BFSP1: variants seen among roughly 807,000 people sequenced by gnomAD.
BFSP1 encodes beaded filament structural protein 1.
BFSP1 carries 38 observed loss-of-function variants against 43.9 expected under a neutral mutation model. The observed-to-expected ratio is 0.87, with a 90% confidence interval of 0.67 to 1.14. The LOEUF is 1.14. BFSP1 is among the 50% of genes most tolerant of loss of function. The pLI, the probability that BFSP1 is intolerant of heterozygous loss-of-function variation, is 0.00. For missense variants in BFSP1, 850 were observed against 875.1 expected (o/e 0.97, Z 0.36); for synonymous variants, 352 against 354.8 (o/e 0.99, Z 0.09).
chr20:17,540,723 T>C lies in BFSP1; in HGVS notation c.3-15815A>G, dbSNP rs561605538. ...CTGCATCACCTCCGGGTGCCTCTCA[T>C]GTCCTCTAGCTTCCTGTAGGGTTTG... is the stretch of plus-strand genomic sequence containing the variant. On this transcript the variant is annotated intron_variant, in intron 1 of 7. Transcript: ENST00000377868. Among the ~76,000 whole-genome samples, 241 of 152,230 alleles carry C rather than the reference T, an allele frequency of 1.6e-3. 1 individual carries two copies. The highest frequency in any genetic ancestry group is 2.6e-3 in the Admixed American group (40 of 15,290).
At chr20:17,504,225 T>G (rs557441971) in intron 5 of BFSP1, among the ~76,000 whole-genome samples, 3 of 152,302 alleles carry the variant, frequency 2.0e-5, no homozygotes, top group African/African-American at 7.2e-5. Flanking sequence ...TGGTCGCAGA[T>G]GCTCTACGGG....
In BFSP1 at chr20:17,531,312, G is replaced by A. The variant is rs1393679322; in HGVS notation, c.18C>T (p.Tyr6=). ...ACTGCTCCTTGCGGGTCTGGAAGAC[G>A]TAGCTGCGCCGGTACATGGCTGCTC... MYRRS[Y]VFQTRKEQYE... The change falls in exon 1 of 8, where the codon TAC becomes TAT. Residue 6 remains tyrosine (Y), a synonymous_variant. Transcript: ENST00000377873. The A allele has an allele frequency of 9.5e-6, 14 of 1,466,984 alleles. No individual in the cohort carries two copies. In the South Asian group the frequency reaches 1.2e-4, roughly 12 times the overall value. 90.9% of individuals were successfully genotyped at this position (1,466,984 alleles called of 1,614,324 possible).
upstream of BFSP1, among the ~76,000 whole-genome samples, chr20:17,535,288 T>G (rs1463908873): frequency 6.6e-6 from 1 of 152,100 alleles, no homozygotes; most frequent in Non-Finnish European, 1.5e-5. Flanking sequence ...CCCAGCACTT[T>G]GGGAGACCAA....
rs1314964080 is a variant in BFSP1, at chr20:17,525,111, G to A, written c.378-203C>T. 6.6e-6 allele frequency among the ~76,000 whole-genome samples: 1 copy of A among 152,068 alleles called. No homozygotes were observed. Among genetic ancestry groups the A allele is most frequent in the East Asian group, 1.9e-4 (1 of 5,172 alleles). ...GAAAGTGGTACCATTTGCACACCGC[G>A]TGGGGTAACCAGGGGCAGTTAGCGG... On this transcript the variant is annotated intron_variant, in intron 1 of 7. Coordinates refer to ENST00000377873, the MANE Select transcript of BFSP1 (RefSeq NM_001195.5). This position sits in a 1 kb window ranked among gnomAD's most constrained non-coding sequence, Gnocchi z 4.2.
At chr20:17,502,454 A>G (rs1237078918) in intron 5 of BFSP1, among the ~76,000 whole-genome samples, 2 of 152,232 alleles carry the variant, frequency 1.3e-5, no homozygotes, top group Non-Finnish European at 2.9e-5. Flanking sequence ...ACTGGGGACC[A>G]TCCCAGTATG....
intron 4 of BFSP1, among the ~76,000 whole-genome samples, chr20:17,511,147 C>T (rs2034068594): frequency 6.6e-6 from 1 of 152,082 alleles, no homozygotes; most frequent in South Asian, 2.1e-4. Context: ...CTATGCATCA[C>T]AAAATTCCAT....
chr20:17,561,756 C>T (rs2035068966), upstream of BFSP1, among the ~76,000 whole-genome samples: 2 of 152,104 alleles, frequency 1.3e-5, no homozygotes, highest in African/African-American at 4.8e-5. Context: ...GTTCATTTAT[C>T]CTTGCACTGG....
At chr20:17,516,878 C>A in intron 2 of BFSP1, 1 of 665,164 alleles carries the variant, frequency 1.5e-6, no homozygotes. Flanking sequence ...CAGGGAAGAC[C>A]ATCACCCTCA....
At chr20:17,502,089 G>A (rs1237051547) in intron 5 of BFSP1, among the ~76,000 whole-genome samples, 1 of 152,080 alleles carries the variant, frequency 6.6e-6, no homozygotes, top group East Asian at 1.9e-4. Context: ...GAGAGCGGCT[G>A]CCTCAGCTCC....
At position 17,531,269 on chromosome 20, in the gene BFSP1, C is replaced by T. The variant is rs996305718; in HGVS notation, c.61G>A (p.Ala21Thr). Residue 21 changes from alanine (A) to threonine (T), a missense_variant, in exon 1 of 8, where the codon GCT becomes ACT. Physicochemically the swap from Ala to Thr is moderately conservative, Grantham distance 58. Transcript: ENST00000377873. The part of the protein sequence containing the change: ...RKEQYEHADE[A>T]SRAAEPERPA... ...CGCTCGGGCTCGGCGGCGCGCGAAG[C>T]CTCGTCGGCGTGCTCGTACTGCTCC... is the stretch of plus-strand genomic sequence containing the variant. 3 of 1,452,442 alleles carry T rather than the reference C, an allele frequency of 2.1e-6. No individual in the cohort carries two copies. The highest frequency in any genetic ancestry group is 2.7e-6 in the Non-Finnish European group (3 of 1,104,278). The allele number at this position is 1,452,442 out of a possible 1,614,324, so 90.0% of individuals were successfully genotyped here.
intron 3 of BFSP1, among the ~76,000 whole-genome samples, chr20:17,514,160 G>C (rs1392853117): frequency 6.6e-6 from 1 of 152,214 alleles, no homozygotes; most frequent in Non-Finnish European, 1.5e-5. Context: ...GGGAAGGAGA[G>C]CCTGCATTTG....
intron 3 of BFSP1, among the ~76,000 whole-genome samples, chr20:17,512,867 T>A (rs1289232980): frequency 6.6e-6 from 1 of 152,176 alleles, no homozygotes; most frequent in Non-Finnish European, 1.5e-5. Flanking sequence ...TTAAACCTCC[T>A]AAAATGCAAG....
chr20:17,527,610 C>T (rs532434127), intron 1 of BFSP1, among the ~76,000 whole-genome samples: 1 of 152,188 alleles, frequency 6.6e-6, no homozygotes, highest in Non-Finnish European at 1.5e-5. Flanking sequence ...CGCCTGTAGT[C>T]CCAGCTACTT....
At chr20:17,530,029 T>G (rs1017598817) in intron 1 of BFSP1, among the ~76,000 whole-genome samples, 1 of 152,230 alleles carries the variant, frequency 6.6e-6, no homozygotes, top group Non-Finnish European at 1.5e-5. Flanking sequence ...CCTGGACCAG[T>G]GCTGCTTAGT....
chr20:17,528,376 T>C (rs1347606675), intron 1 of BFSP1, among the ~76,000 whole-genome samples: 1 of 152,224 alleles, frequency 6.6e-6, no homozygotes, highest in Non-Finnish European at 1.5e-5. Flanking sequence ...CTAGGACTCA[T>C]GGATGTCATG....
intron 1 of BFSP1, among the ~76,000 whole-genome samples, chr20:17,544,366 C>A (rs1030745506): frequency 6.6e-6 from 1 of 152,170 alleles, no homozygotes; most frequent in Admixed American, 6.5e-5. Flanking sequence ...CAGAAAGTGG[C>A]AGATGGTTTA....
chr20:17,499,094 C>T, intron 5 of BFSP1, 54 bp from the exon 6 acceptor site: 1 of 1,514,094 alleles, frequency 6.6e-7, no homozygotes, highest in East Asian at 2.3e-5. Context: ...CTCTAAGAGA[C>T]AGACCTCACC....
chr20:17,558,642 A>T, intron 1 of BFSP1: 1 of 1,542,468 alleles, frequency 6.5e-7, no homozygotes, highest in Non-Finnish European at 8.8e-7. Context: ...AAAAGAAAAA[A>T]TGCTAAACCT....
chr20:17,505,879 A>G (rs1275157471), intron 5 of BFSP1, among the ~76,000 whole-genome samples: 1 of 152,198 alleles, frequency 6.6e-6, no homozygotes, highest in Non-Finnish European at 1.5e-5. Context: ...CATCAGAGCT[A>G]AGGAGGCAGA....
Sources: allele counts gnomAD v4.1 joint callset (sites outside exome capture counted in the v4.1 genomes callset), GRCh38; gene constraint gnomAD v4.1.1; non-coding constraint Gnocchi (gnomAD v3.1); transcripts MANE v1.5; gene names NCBI Gene and HGNC (gene_info 2026-07-23, HGNC 2026-07-21).